The following ZNF331 variants were observed in gnomAD, a reference collection of about 807,000 sequenced individuals.
ZNF331 encodes zinc finger protein 331.
Under a neutral mutation model 7.0 loss-of-function variants are expected in ZNF331, and 2 were observed. That is an observed-to-expected ratio of 0.29 (90% confidence interval 0.12 to 0.90). The LOEUF (loss-of-function observed/expected upper bound fraction) is 0.90, where lower values mean the gene tolerates loss of function less well. Among genes scored for constraint, ZNF331 ranks in the 40% least tolerant of loss-of-function variants. The pLI, the probability that ZNF331 is intolerant of heterozygous loss-of-function variation, is 0.58. For missense variants in ZNF331, 432 were observed against 587.7 expected (o/e 0.74, Z 2.74); for synonymous variants, 196 against 205.4 (o/e 0.95, Z 0.39).
upstream of ZNF331, among the ~76,000 whole-genome samples, chr19:53,535,389 C>A (rs767411133): frequency 2.6e-5 from 4 of 152,050 alleles, no homozygotes; most frequent in Non-Finnish European, 5.9e-5. Context: ...ACTGTCCGGC[C>A]GTAATTACCC....
chr19:53,519,834 T>TG (rs1227388856), upstream of ZNF331, among the ~76,000 whole-genome samples: 3 of 151,968 alleles, frequency 2.0e-5, no homozygotes, highest in Non-Finnish European at 4.4e-5. Flanking sequence ...CCCAATCTAC[T>TG]GGGGGGTGGG....
At chr19:53,518,103 G>A (rs1489938004), upstream of ZNF331, among the ~76,000 whole-genome samples, 2 of 152,220 alleles carry the variant, frequency 1.3e-5, no homozygotes, top group African/African-American at 4.8e-5. Context: ...CGATGTAGGT[G>A]GACACCATGC....
At chr19:53,535,801 CTTT>C (rs558002929), upstream of ZNF331, among the ~76,000 whole-genome samples, 1 of 143,418 alleles carries the variant, frequency 7.0e-6, no homozygotes, top group African/African-American at 2.6e-5. Context: ...AAAATGTTCA[CTTT>C]TTTTTTTTTT....
intron 2 of ZNF331, among the ~76,000 whole-genome samples, chr19:53,554,016 C>G (rs1267393935): frequency 6.6e-6 from 1 of 152,210 alleles, no homozygotes. Context: ...CCCCCAGGAA[C>G]TTAAGGCGCT....
chr19:53,557,156 C>T (rs1170874507), intron 3 of ZNF331, among the ~76,000 whole-genome samples: 3 of 151,822 alleles, frequency 2.0e-5, no homozygotes, highest in African/African-American at 4.8e-5. Flanking sequence ...CAGGGTCTTG[C>T]CATGTTGCCC....
In ZNF331 at chr19:53,573,118, CTGG is replaced by C. The variant is rs1481089451; in HGVS notation, c.136+1391_136+1393del. Among the ~76,000 whole-genome samples, 1 of 152,070 alleles carries C rather than the reference CTGG, an allele frequency of 6.6e-6. No homozygotes were observed. The highest frequency in any genetic ancestry group is 1.9e-4 in the East Asian group (1 of 5,188). Reference sequence around the variant, plus strand: ...CCTGTGATCTCAGCTACTCCGGAGGCTGGTGCAGGAGAATCATTTGAACCTGGG... The same window carrying C: ...CCTGTGATCTCAGCTACTCCGGAGGCTGCAGGAGAATCATTTGAACCTGGG... On this transcript the variant is annotated intron_variant, in intron 5 of 5. Transcript: ENST00000449416. The surrounding 1 kb of genome is among the most constrained non-coding windows in gnomAD (Gnocchi z 4.2).
At chr19:53,531,483 A>T (rs1320236938) in intron 2 of ZNF331, among the ~76,000 whole-genome samples, 1 of 152,208 alleles carries the variant, frequency 6.6e-6, no homozygotes, top group African/African-American at 2.4e-5. Context: ...GCTTAACATT[A>T]GTGCGTGATA....
intron 2 of ZNF331, among the ~76,000 whole-genome samples, chr19:53,550,719 T>C (rs1194104302): frequency 1.3e-5 from 2 of 151,658 alleles, no homozygotes; most frequent in Non-Finnish European, 2.9e-5. Context: ...GTGTTTTTAG[T>C]AGAGATGGGG....
chr19:53,576,002 GAGACA>G (rs1568549656), intron 5 of ZNF331, among the ~76,000 whole-genome samples: 1 of 148,484 alleles, frequency 6.7e-6, no homozygotes, highest in African/African-American at 2.5e-5. Flanking sequence ...TTTTTGTTTT[GAGACA>G]GAGTTTCATG....
chr19:53,577,865 G>C lies in ZNF331; in HGVS notation c.1305G>C (p.Gly435=). ...CACAACATCAGAAAACGCACAGTGG[G>C]GCGAAATCCTACGAATGTAAGGAGT... ...QLTQHQKTHS[G]AKSYECKECG... The change falls in exon 6 of 6, where the codon GGG becomes GGC. Residue 435 remains glycine, a synonymous_variant. Transcript: ENST00000449416. 1 of 1,612,608 alleles carries C rather than the reference G, an allele frequency of 6.2e-7. No individual in the cohort carries two copies. The highest frequency in any genetic ancestry group is 8.5e-7 in the Non-Finnish European group (1 of 1,179,722).
At chr19:53,515,306 A>G (rs939701652), upstream of ZNF331, among the ~76,000 whole-genome samples, 2 of 152,188 alleles carry the variant, frequency 1.3e-5, no homozygotes, top group Non-Finnish European at 2.9e-5. Context: ...AAATGATGAA[A>G]ACACTCGCAA....
intron 2 of ZNF331, among the ~76,000 whole-genome samples, chr19:53,540,840 CAA>C (rs1354378725): frequency 1.3e-5 from 2 of 152,128 alleles, no homozygotes; most frequent in African/African-American, 2.4e-5. Context: ...AAAGACAGGC[CAA>C]GTCCCTTTTC....
At chr19:53,574,712 C>T (rs1434861442) in intron 5 of ZNF331, among the ~76,000 whole-genome samples, 2 of 152,148 alleles carry the variant, frequency 1.3e-5, no homozygotes, top group Non-Finnish European at 2.9e-5. Flanking sequence ...GGTTGTAGCT[C>T]CTCTTTGCCA....
chr19:53,567,027 T>C (rs2090191800), intron 3 of ZNF331, among the ~76,000 whole-genome samples: 1 of 152,136 alleles, frequency 6.6e-6, no homozygotes, highest in African/African-American at 2.4e-5. Flanking sequence ...ATATGGAATT[T>C]TACAAATGTT....
intron 3 of ZNF331, among the ~76,000 whole-genome samples, chr19:53,563,181 G>A (rs1301948400): frequency 2.4e-5 from 3 of 125,070 alleles, no homozygotes; most frequent in Non-Finnish European, 4.7e-5. Context: ...TCCGCCTCCC[G>A]GGTTCAAGCG....
At chr19:53,515,171 G>T (rs1431159928), upstream of ZNF331, among the ~76,000 whole-genome samples, 1 of 152,110 alleles carries the variant, frequency 6.6e-6, no homozygotes, top group Non-Finnish European at 1.5e-5. Flanking sequence ...TAGAAATTTA[G>T]TTCTCCTGCT....
chr19:53,526,586 C>A (rs1040680165), intron 2 of ZNF331, among the ~76,000 whole-genome samples: 32 of 151,264 alleles, frequency 2.1e-4, no homozygotes, highest in Non-Finnish European at 1.2e-4. Flanking sequence ...CGGAGTCTCG[C>A]CCTGTCACCA....
At chr19:53,555,057 T>C (rs2089291097) in intron 2 of ZNF331, among the ~76,000 whole-genome samples, 1 of 152,172 alleles carries the variant, frequency 6.6e-6, no homozygotes, top group South Asian at 2.1e-4. Context: ...GTGGTGAGGC[T>C]GAGCCATCAG....
chr19:53,524,622 T>G (rs1320575852), intron 2 of ZNF331, among the ~76,000 whole-genome samples: 1 of 152,200 alleles, frequency 6.6e-6, no homozygotes, highest in Non-Finnish European at 1.5e-5. Context: ...TTTGTTTTTT[T>G]CTTGTAAATT....
Sources: allele counts gnomAD v4.1 joint callset (sites outside exome capture counted in the v4.1 genomes callset), GRCh38; gene constraint gnomAD v4.1.1; non-coding constraint Gnocchi (gnomAD v3.1); transcripts MANE v1.5; gene names NCBI Gene and HGNC (gene_info 2026-07-23, HGNC 2026-07-21).